Variants in FRMPD4 observed in about 807,000 individuals in gnomAD.
FRMPD4 encodes the protein FERM and PDZ domain containing 4.
Under a neutral mutation model 94.1 loss-of-function variants are expected in FRMPD4, and 22 were observed. The observed-to-expected ratio is 0.23, with a 90% confidence interval of 0.17 to 0.33. FRMPD4 has a LOEUF of 0.33. Ranked by LOEUF, FRMPD4 falls within the 10% of genes least tolerant of loss-of-function variation. FRMPD4 has a pLI of 1.00. For synonymous variants in FRMPD4, 631 were observed against 548.6 expected (o/e 1.15, Z -2.10); for missense variants, 1,111 against 1,339.9 (o/e 0.83, Z 2.67).
chrX:12,166,646 C>G (rs1425850317), intron 1 of FRMPD4, among the ~76,000 whole-genome samples: 7 of 111,243 alleles, frequency 6.3e-5, no homozygotes, highest in Non-Finnish European at 1.3e-4. Flanking sequence ...CTCCTTGTAC[C>G]TCTGGTAGAA....
intron 2 of FRMPD4, among the ~76,000 whole-genome samples, chrX:12,546,658 T>C (rs1044211089): frequency 8.9e-6 from 1 of 111,796 alleles, no homozygotes; most frequent in Non-Finnish European, 1.9e-5. Context: ...ACCTGGTTAA[T>C]ATATAATATA....
At chrX:12,119,296 A>G (rs895686436) in intron 3 of FRMPD4, among the ~76,000 whole-genome samples, 1 of 111,485 alleles carries the variant, frequency 9.0e-6, no homozygotes, top group Non-Finnish European at 1.9e-5. Context: ...TAAGTTTAAC[A>G]CCCTAGGGCT....
chrX:12,234,925 G>A (rs996775747), intron 1 of FRMPD4, among the ~76,000 whole-genome samples: 2 of 111,964 alleles, frequency 1.8e-5, no homozygotes, highest in African/African-American at 3.2e-5. Context: ...TGTACTGTCA[G>A]CAGCAGAATG....
At chrX:12,594,772 T>C (rs779287303) in intron 2 of FRMPD4, among the ~76,000 whole-genome samples, 1 of 111,864 alleles carries the variant, frequency 8.9e-6, no homozygotes, top group East Asian at 2.8e-4. Flanking sequence ...ATTCTTTCCC[T>C]GGGATTTGAA....
At chrX:12,509,032 T>G (rs1602047743) in intron 2 of FRMPD4, among the ~76,000 whole-genome samples, 2 of 101,732 alleles carry the variant, frequency 2.0e-5, no homozygotes, top group South Asian at 9.2e-4. Context: ...AGGCATTTAG[T>G]GGGATACACC....
intron 1 of FRMPD4, among the ~76,000 whole-genome samples, chrX:11,852,338 A>T (rs56303291): frequency 0.062 from 6,493 of 105,163 alleles, 194 homozygotes; most frequent in Non-Finnish European, 0.089. Context: ...TTTGTCCAGG[A>T]GGCTGAGGTA....
At chrX:12,088,860 AT>A (rs2055131857) in intron 3 of FRMPD4, among the ~76,000 whole-genome samples, 1 of 112,301 alleles carries the variant, frequency 8.9e-6, no homozygotes, top group South Asian at 3.7e-4. Flanking sequence ...ACATATTTTG[AT>A]TGCACAACTC....
chrX:12,521,592 G>C (rs966713538), intron 2 of FRMPD4, among the ~76,000 whole-genome samples: 4 of 112,490 alleles, frequency 3.6e-5, no homozygotes, highest in African/African-American at 9.7e-5. Flanking sequence ...ATGTGGCTAA[G>C]CAATTGTTCT....
At chrX:12,646,523 G>A (rs1245230322) in intron 4 of FRMPD4, among the ~76,000 whole-genome samples, 1 of 111,855 alleles carries the variant, frequency 8.9e-6, no homozygotes, top group Non-Finnish European at 1.9e-5. Flanking sequence ...TTTTATCATG[G>A]TTCACTGAAA....
intron 2 of FRMPD4, among the ~76,000 whole-genome samples, chrX:11,875,949 C>A (rs2053781786): frequency 1.0e-5 from 1 of 99,106 alleles, no homozygotes; most frequent in African/African-American, 3.7e-5. Context: ...GATCTCGGCT[C>A]ACTGCAAGCT....
chrX:12,646,350 C>A (rs781603337), intron 4 of FRMPD4, among the ~76,000 whole-genome samples: 1 of 111,655 alleles, frequency 9.0e-6, no homozygotes, highest in Admixed American at 9.5e-5. Context: ...GCAGTATTTC[C>A]CAATAGACAG....
At chrX:11,853,114 A>G (rs188584532) in intron 1 of FRMPD4, among the ~76,000 whole-genome samples, 74 of 112,301 alleles carry the variant, frequency 6.6e-4, no homozygotes, top group African/African-American at 2.3e-3. Context: ...ATACATTTAC[A>G]TGGAAATTGA....
chrX:12,048,999 A>T (rs891612792), intron 3 of FRMPD4, among the ~76,000 whole-genome samples: 8 of 110,931 alleles, frequency 7.2e-5, no homozygotes, highest in Admixed American at 6.7e-4. Context: ...GAATTTTAGA[A>T]TTTTTTTTCT....
chrX:12,143,613 C>T (rs1261037847), intron 1 of FRMPD4, among the ~76,000 whole-genome samples: 1 of 111,545 alleles, frequency 9.0e-6, no homozygotes, highest in Non-Finnish European at 1.9e-5. Flanking sequence ...TGGGCACACA[C>T]ATGTCAAATC....
chrX:12,068,446 C>T (rs760356862), intron 3 of FRMPD4, among the ~76,000 whole-genome samples: 2 of 111,651 alleles, frequency 1.8e-5, no homozygotes, highest in South Asian at 7.5e-4. Context: ...AAAATATTTA[C>T]TCTTCAGAAA....
intron 3 of FRMPD4, among the ~76,000 whole-genome samples, chrX:11,947,813 G>A (rs1202513100): frequency 9.0e-6 from 1 of 111,245 alleles, no homozygotes; most frequent in Non-Finnish European, 1.9e-5. Flanking sequence ...TCGGCCAGGT[G>A]CAGTGGCTCA....
intron 3 of FRMPD4, among the ~76,000 whole-genome samples, chrX:11,996,793 G>A (rs1047748816): frequency 8.9e-6 from 1 of 111,945 alleles, no homozygotes; most frequent in African/African-American, 3.2e-5. Context: ...TATAGAAAAT[G>A]TGATGTAGTT....
At chrX:12,255,350 C>A (rs1227133311) in intron 1 of FRMPD4, among the ~76,000 whole-genome samples, 1 of 110,954 alleles carries the variant, frequency 9.0e-6, no homozygotes, top group Non-Finnish European at 1.9e-5. Context: ...CTTTTTTGGT[C>A]CCAAACCACA....
chrX:11,891,132 G>A (rs886269257), intron 3 of FRMPD4, among the ~76,000 whole-genome samples: 2 of 112,307 alleles, frequency 1.8e-5, no homozygotes, highest in African/African-American at 6.5e-5. Flanking sequence ...TCAGCTCCTC[G>A]GATCTCTACC....
Sources: allele counts gnomAD v4.1 joint callset (sites outside exome capture counted in the v4.1 genomes callset), GRCh38; gene constraint gnomAD v4.1.1; transcripts MANE v1.5; gene names NCBI Gene and HGNC (gene_info 2026-07-23, HGNC 2026-07-21).